The following ACCSL variants were observed in gnomAD, a reference collection of about 807,000 sequenced individuals.
The protein encoded by ACCSL is probable inactive 1-aminocyclopropane-1-carboxylate synthase-like protein 2.
Under a neutral mutation model 61.7 loss-of-function variants are expected in ACCSL, and 55 were observed. The ratio of observed to expected loss-of-function variants is 0.89; its 90% CI spans 0.72 to 1.12. The LOEUF is 1.12. Ranked by LOEUF, ACCSL falls within the 50% of genes most tolerant of loss-of-function variation. The probability of loss-of-function intolerance (pLI) is 0.00; values close to 1 mark genes in which losing one functional copy is unlikely to be tolerated. For missense variants in ACCSL, 632 were observed against 698.0 expected (o/e 0.91, Z 1.07); for synonymous variants, 258 against 264.3 (o/e 0.98, Z 0.23).
At chr11:43,994,248 C>T in the ACCSL span, among the ~76,000 whole-genome samples, 2 of 152,044 alleles carry the variant, frequency 1.3e-5, no homozygotes, top group Non-Finnish European at 2.9e-5. Flanking sequence ...GGAACTTTAC[C>T]AGGAGTTGTT....
chr11:44,017,666 T>C, the ACCSL span, among the ~76,000 whole-genome samples: 1 of 152,180 alleles, frequency 6.6e-6, no homozygotes, highest in African/African-American at 2.4e-5. Flanking sequence ...CCTGGGCAAC[T>C]GACATAACCT....
the ACCSL span, among the ~76,000 whole-genome samples, chr11:44,004,545 G>A: frequency 1.3e-5 from 2 of 152,176 alleles, no homozygotes; most frequent in Non-Finnish European, 2.9e-5. Context: ...TCAAGGGCAT[G>A]TACCTAGCTG....
the ACCSL span, among the ~76,000 whole-genome samples, chr11:44,007,706 C>A: frequency 6.6e-6 from 1 of 152,144 alleles, no homozygotes; most frequent in Admixed American, 6.5e-5. Context: ...CCCCAGAGCG[C>A]CTCAGGGAGG....
chr11:44,035,732 G>T, the ACCSL span, among the ~76,000 whole-genome samples: 4 of 152,130 alleles, frequency 2.6e-5, no homozygotes, highest in East Asian at 7.7e-4. Context: ...GAGGCCAGGA[G>T]TTTGAGACTA....
the ACCSL span, among the ~76,000 whole-genome samples, chr11:43,972,097 C>T: frequency 6.6e-6 from 1 of 152,234 alleles, no homozygotes; most frequent in Non-Finnish European, 1.5e-5. Context: ...TCAATAAATA[C>T]TTGTCAACTG....
chr11:43,943,566 C>G, the ACCSL span: 1 of 1,314,780 alleles, frequency 7.6e-7, no homozygotes, highest in Non-Finnish European at 1.0e-6. The surrounding 1 kb of genome is among the most constrained non-coding windows in gnomAD (Gnocchi z 4.8). Context: ...GAGGCGCGCC[C>G]GCGCTGAGTC....
the ACCSL span, among the ~76,000 whole-genome samples, chr11:43,979,595 C>T: frequency 1.3e-5 from 2 of 152,122 alleles, no homozygotes; most frequent in Non-Finnish European, 2.9e-5. Context: ...TCTGTCGTGG[C>T]AAGCTGAGAC....
At chr11:43,980,741 T>C in the ACCSL span, among the ~76,000 whole-genome samples, 1 of 152,200 alleles carries the variant, frequency 6.6e-6, no homozygotes, top group African/African-American at 2.4e-5. Flanking sequence ...GCCATCTATC[T>C]ACTGAAAAGC....
the ACCSL span, among the ~76,000 whole-genome samples, chr11:44,042,646 G>A: frequency 3.4e-5 from 5 of 147,488 alleles, no homozygotes; most frequent in Admixed American, 3.3e-4. Flanking sequence ...TGTTTGTTTT[G>A]TTTGTTTTTT....
the ACCSL span, among the ~76,000 whole-genome samples, chr11:43,977,439 C>T: frequency 1.3e-5 from 2 of 150,220 alleles, no homozygotes; most frequent in South Asian, 2.1e-4. Flanking sequence ...CTTAACCACC[C>T]ATTGCTGGCT....
the ACCSL span, among the ~76,000 whole-genome samples, chr11:43,936,005 G>T: frequency 6.6e-6 from 1 of 152,214 alleles, no homozygotes. Flanking sequence ...GAGGAAGCAG[G>T]ACCCCCGATG....
Position 44,050,402 on chromosome 11 carries a change from C to T in ACCSL, c.565-150C>T, listed in dbSNP as rs1432970741. 3 of 728,312 alleles carry T rather than the reference C, an allele frequency of 4.1e-6. No homozygotes were observed. The Admixed American group carries it at 6.9e-5, about 17-fold the overall frequency. The allele number at this position is 728,312 out of a possible 1,614,324, so 45.1% of individuals were successfully genotyped here. The stretch of plus-strand genomic sequence containing the variant: ...TAATTTATGACAAGATGGTAGCCTC[C>T]ATTCATTAAGGAGCATGCAGTGTAT... On this transcript the variant is annotated intron_variant, in intron 2 of 13. Coordinates refer to ENST00000378832, the MANE Select transcript of ACCSL (RefSeq NM_001031854.2).
At chr11:43,933,660 G>A in the ACCSL span, among the ~76,000 whole-genome samples, 3 of 152,204 alleles carry the variant, frequency 2.0e-5, no homozygotes, top group African/African-American at 7.2e-5. Context: ...CAGACCCTGG[G>A]TGGGTGAAGC....
At position 44,048,223 on chromosome 11, in the gene ACCSL, G is replaced by T; in HGVS notation, c.187G>T (p.Ala63Ser). Residue 63 changes from alanine to serine, a missense_variant, in exon 1 of 14, where the codon GCC (alanine) becomes TCC (serine). By Grantham distance (99) the Ala-to-Ser change is moderately conservative. Transcript: ENST00000378832. ...GCTGGAGGAAAGGAGGCACACTGAG[G>T]CCATCTGTGAGCATGAAGCCCTTCT... ...LSLEERRHTE[A>S]ICEHEALLSR... The T allele has an allele frequency of 6.2e-7, 1 of 1,614,152 alleles. No homozygotes were observed. The highest frequency in any genetic ancestry group is 8.5e-7 in the Non-Finnish European group (1 of 1,180,032).
the ACCSL span, among the ~76,000 whole-genome samples, chr11:44,013,545 G>A: frequency 6.6e-6 from 1 of 152,146 alleles, no homozygotes; most frequent in African/African-American, 2.4e-5. Context: ...CACCCGCCTC[G>A]GCCTCCCAAA....
At chr11:43,928,683 ACT>A in the ACCSL span, among the ~76,000 whole-genome samples, 1 of 152,066 alleles carries the variant, frequency 6.6e-6, no homozygotes, top group African/African-American at 2.4e-5. Context: ...GGCAGCGGGC[ACT>A]CTCTGTAGAC....
At chr11:43,973,296 G>A in the ACCSL span, among the ~76,000 whole-genome samples, 3 of 152,152 alleles carry the variant, frequency 2.0e-5, no homozygotes, top group Non-Finnish European at 4.4e-5. Context: ...AATATGTTCT[G>A]TGCACAAAAT....
chr11:43,988,198 G>A, the ACCSL span, among the ~76,000 whole-genome samples: 1 of 152,144 alleles, frequency 6.6e-6, no homozygotes, highest in East Asian at 1.9e-4. Context: ...CTCACTCCCT[G>A]TTAGCTGTTA....
At chr11:43,962,609 G>A in the ACCSL span, among the ~76,000 whole-genome samples, 1 of 152,230 alleles carries the variant, frequency 6.6e-6, no homozygotes, top group South Asian at 2.1e-4. Context: ...ATTAGACTAA[G>A]GGCATTGCTT....
Sources: allele counts gnomAD v4.1 joint callset (sites outside exome capture counted in the v4.1 genomes callset), GRCh38; gene constraint gnomAD v4.1.1; non-coding constraint Gnocchi (gnomAD v3.1); transcripts MANE v1.5; gene names NCBI Gene and HGNC (gene_info 2026-07-23, HGNC 2026-07-21).